EYS: variants seen among roughly 807,000 people sequenced by gnomAD.
EYS encodes the protein protein eyes shut homolog.
In EYS, 250 loss-of-function variants were observed where a neutral mutation model predicts 282.1. That is an observed-to-expected ratio of 0.89 (90% confidence interval 0.80 to 0.98). The LOEUF (loss-of-function observed/expected upper bound fraction) is 0.98. Ranked by LOEUF, EYS falls within the 50% of genes least tolerant of loss-of-function variation. The pLI is 0.00. For synonymous variants in EYS, 1,355 were observed against 1,282.9 expected (o/e 1.06, Z -1.20); for missense variants, 4,016 against 3,709.0 (o/e 1.08, Z -2.15).
intron 31 of EYS, among the ~76,000 whole-genome samples, chr6:64,105,366 T>C (rs1772973080): frequency 6.6e-6 from 1 of 152,072 alleles, no homozygotes; most frequent in African/African-American, 2.4e-5. Context: ...TTGCATATAC[T>C]TCCTGTCCCT....
At chr6:63,843,082 G>T (rs1380192237) in intron 36 of EYS, among the ~76,000 whole-genome samples, 4 of 152,102 alleles carry the variant, frequency 2.6e-5, no homozygotes, top group Non-Finnish European at 5.9e-5. Context: ...GATTGTCTTG[G>T]CTATACAAGC....
chr6:64,335,903 A>G (rs1188269844), intron 29 of EYS, among the ~76,000 whole-genome samples: 1 of 152,140 alleles, frequency 6.6e-6, no homozygotes, highest in African/African-American at 2.4e-5. Flanking sequence ...GAAACAATAC[A>G]GTATTTTTCA....
At chr6:63,858,529 A>G (rs1772451179) in intron 36 of EYS, among the ~76,000 whole-genome samples, 1 of 152,182 alleles carries the variant, frequency 6.6e-6, no homozygotes, top group African/African-American at 2.4e-5. Context: ...AGGAAAGGCA[A>G]CTTCCCTCAG....
intron 5 of EYS, among the ~76,000 whole-genome samples, chr6:65,430,977 A>G (rs1372886567): frequency 6.6e-6 from 1 of 152,190 alleles, no homozygotes; most frequent in Non-Finnish European, 1.5e-5. Flanking sequence ...CCATGGGGGA[A>G]AAACATCCTT....
chr6:65,036,824 G>T (rs989272295), intron 13 of EYS, among the ~76,000 whole-genome samples: 14 of 152,132 alleles, frequency 9.2e-5, no homozygotes, highest in African/African-American at 3.1e-4. Flanking sequence ...TGTCGGTGAG[G>T]TTGTGGGGAA....
chr6:64,929,793 T>C (rs1303911325), intron 15 of EYS, among the ~76,000 whole-genome samples: 3 of 152,166 alleles, frequency 2.0e-5, no homozygotes, highest in Non-Finnish European at 4.4e-5. Context: ...TGGCAACGTA[T>C]GTATGATTAT....
chr6:65,014,910 T>C (rs1208843221), intron 13 of EYS, among the ~76,000 whole-genome samples: 2 of 152,144 alleles, frequency 1.3e-5, no homozygotes, highest in East Asian at 3.9e-4. Flanking sequence ...GGGTAGGCCC[T>C]AACTATAATC....
intron 8 of EYS, among the ~76,000 whole-genome samples, chr6:65,358,872 T>A (rs1233474985): frequency 6.6e-6 from 1 of 152,060 alleles, no homozygotes; most frequent in Non-Finnish European, 1.5e-5. Flanking sequence ...TAGCAATGTG[T>A]TAATCTATCC....
At chr6:65,501,681 T>C (rs1409018576) in intron 2 of EYS, among the ~76,000 whole-genome samples, 1 of 151,790 alleles carries the variant, frequency 6.6e-6, no homozygotes, top group Non-Finnish European at 1.5e-5. Flanking sequence ...CTTTAGCTTG[T>C]GGTTAAATTT....
chr6:65,666,702 T>C (rs1450891097), intron 1 of EYS, among the ~76,000 whole-genome samples: 1 of 151,492 alleles, frequency 6.6e-6, no homozygotes, highest in Non-Finnish European at 1.5e-5. Context: ...TTCTAAAATA[T>C]AGAATTGCTG....
chr6:65,064,595 A>G (rs1773688030), intron 12 of EYS, among the ~76,000 whole-genome samples: 2 of 149,448 alleles, frequency 1.3e-5, no homozygotes, highest in Non-Finnish European at 3.0e-5. Flanking sequence ...GTTATATACT[A>G]TATAGCTATA....
chr6:65,264,352 C>T (rs1767696639), intron 12 of EYS, among the ~76,000 whole-genome samples: 1 of 152,084 alleles, frequency 6.6e-6, no homozygotes. Flanking sequence ...ATTGTAACTA[C>T]ATTTCATTGC....
intron 15 of EYS, among the ~76,000 whole-genome samples, chr6:64,934,440 T>C (rs1006559391): frequency 6.6e-6 from 1 of 151,784 alleles, no homozygotes; most frequent in East Asian, 1.9e-4. Flanking sequence ...TAGAATAAAT[T>C]GAAAGAGATT....
chr6:64,991,958 G>A (rs1002568753), intron 14 of EYS, among the ~76,000 whole-genome samples: 1 of 151,690 alleles, frequency 6.6e-6, no homozygotes, highest in Non-Finnish European at 1.5e-5. Context: ...GAGCTAGAGA[G>A]TGCTATCTAG....
intron 31 of EYS, among the ~76,000 whole-genome samples, chr6:64,224,177 ACTGTATT>A (rs758612775): frequency 4.6e-5 from 7 of 152,118 alleles, no homozygotes; most frequent in Non-Finnish European, 7.4e-5. Context: ...AAAAATCTAT[ACTGTATT>A]CTGCACAAGA....
At chr6:64,818,841 T>A (rs1195198175) in intron 21 of EYS, among the ~76,000 whole-genome samples, 1 of 152,010 alleles carries the variant, frequency 6.6e-6, no homozygotes, top group Admixed American at 6.6e-5. Context: ...CAAATATTAA[T>A]CTCCTTTGGC....
At chr6:64,117,867 C>T (rs564969060) in intron 31 of EYS, among the ~76,000 whole-genome samples, 1 of 152,022 alleles carries the variant, frequency 6.6e-6, no homozygotes, top group East Asian at 1.9e-4. Context: ...TTTTGGGATA[C>T]ACAATCAACA....
chr6:63,813,763 C>G (rs1398617823), intron 36 of EYS, among the ~76,000 whole-genome samples: 3 of 152,002 alleles, frequency 2.0e-5, no homozygotes, highest in Non-Finnish European at 4.4e-5. Context: ...TCAGTTCTTC[C>G]TTCTCTATGA....
At chr6:64,650,291 G>A (rs1318582921) in intron 22 of EYS, among the ~76,000 whole-genome samples, 3 of 151,418 alleles carry the variant, frequency 2.0e-5, no homozygotes, top group Non-Finnish European at 4.4e-5. Flanking sequence ...AATAAAATAA[G>A]AATTAAAATT....
Sources: allele counts gnomAD v4.1 joint callset (sites outside exome capture counted in the v4.1 genomes callset), GRCh38; gene constraint gnomAD v4.1.1; transcripts MANE v1.5; gene names NCBI Gene and HGNC (gene_info 2026-07-23, HGNC 2026-07-21).